The following CAMK2D variants were observed in gnomAD, a reference collection of about 807,000 sequenced individuals.
CAMK2D encodes calcium/calmodulin dependent protein kinase II delta.
Under a neutral mutation model 84.0 loss-of-function variants are expected in CAMK2D, and 37 were observed. The ratio of observed to expected loss-of-function variants is 0.44; its 90% CI spans 0.34 to 0.58. The LOEUF (loss-of-function observed/expected upper bound fraction) is 0.58, where lower values mean the gene tolerates loss of function less well. Ranked by LOEUF, CAMK2D falls within the 20% of genes least tolerant of loss-of-function variation. The pLI is 0.02. For missense variants in CAMK2D, 448 were observed against 652.5 expected (o/e 0.69, Z 3.41); for synonymous variants, 202 against 212.5 (o/e 0.95, Z 0.43).
At position 113,482,582 on chromosome 4, in the gene CAMK2D, A is replaced by G. The variant is rs1371484443; in HGVS notation, c.1136-16978T>C. The stretch of plus-strand genomic sequence containing the variant: ...CTATGGAAGTGAGGAGAAATGAAAG[A>G]GAAATGTTCTTTGGAGGTGACATTT... On this transcript the variant is annotated intron_variant, in intron 16 of 20. Coordinates refer to ENST00000511664, the MANE Select transcript of CAMK2D (RefSeq NM_001321571.2). 7.9e-5 allele frequency among the ~76,000 whole-genome samples: 12 copies of G among 152,230 alleles called. 1 individual carries two copies. Among genetic ancestry groups the G allele is most frequent in the Admixed American group, 7.9e-4 (12 of 15,282 alleles).
Position 113,452,981 on chromosome 4 carries a change from T to C in CAMK2D, c.*1564A>G, listed in dbSNP as rs1054815815. On this transcript the variant is annotated 3_prime_UTR_variant, in exon 21 of 21. Coordinates refer to ENST00000511664, the MANE Select transcript of CAMK2D (RefSeq NM_001321571.2). ...AAGGGTTGTTTTTGTTATTTTGTTT[T>C]TCTTTTTTGCTTCTGCTTTAAAAAT... 1 of 152,484 alleles carries C rather than the reference T, an allele frequency of 6.6e-6. No individual in the cohort carries two copies. The highest frequency in any genetic ancestry group is 2.4e-5 in the African/African-American group (1 of 41,426). The allele number at this position is 152,484 out of a possible 1,614,324, so 9.4% of individuals were successfully genotyped here. A position where few individuals can be genotyped will look rare whatever the true frequency, so the allele number is the denominator to read the frequency against.
At chr4:113,644,821 A>G (rs1314614646) in intron 3 of CAMK2D, among the ~76,000 whole-genome samples, 1 of 152,108 alleles carries the variant, frequency 6.6e-6, no homozygotes, top group African/African-American at 2.4e-5. Flanking sequence ...ACACAAATAA[A>G]GCTATTTGTC....
chr4:113,503,537 A>T (rs1158350213), intron 14 of CAMK2D, among the ~76,000 whole-genome samples: 1 of 152,210 alleles, frequency 6.6e-6, no homozygotes, highest in Non-Finnish European at 1.5e-5. Flanking sequence ...CCATAAAAAA[A>T]TTTTAAGGAA....
chr4:113,605,820 C>G (rs572387305), intron 4 of CAMK2D, among the ~76,000 whole-genome samples: 2 of 152,062 alleles, frequency 1.3e-5, no homozygotes, highest in Non-Finnish European at 2.9e-5. Context: ...AATAAGATGG[C>G]ACCTGCTTAC....
chr4:113,564,274 T>G (rs2098712339), intron 4 of CAMK2D, among the ~76,000 whole-genome samples: 1 of 152,224 alleles, frequency 6.6e-6, no homozygotes, highest in Non-Finnish European at 1.5e-5. Flanking sequence ...ACACTCTTAC[T>G]GAGCTCTCTC....
chr4:113,745,898 C>T (rs1343586972), intron 2 of CAMK2D, among the ~76,000 whole-genome samples: 1 of 152,112 alleles, frequency 6.6e-6, no homozygotes, highest in East Asian at 1.9e-4. Flanking sequence ...ATATGATGTA[C>T]CCTACAAAAC....
chr4:113,515,488 A>G (rs915802920), intron 9 of CAMK2D, among the ~76,000 whole-genome samples: 3 of 152,218 alleles, frequency 2.0e-5, no homozygotes, highest in African/African-American at 7.2e-5. Flanking sequence ...AGAATCTTCT[A>G]TTCTTCTCAA....
At chr4:113,505,421 C>A (rs2098116392) in intron 13 of CAMK2D, among the ~76,000 whole-genome samples, 2 of 152,136 alleles carry the variant, frequency 1.3e-5, no homozygotes, top group Non-Finnish European at 2.9e-5. Context: ...TTTCTTTCTT[C>A]CCTCATTTTA....
chr4:113,657,240 A>G (rs544020629), intron 3 of CAMK2D, among the ~76,000 whole-genome samples: 5 of 152,114 alleles, frequency 3.3e-5, no homozygotes, highest in Non-Finnish European at 7.4e-5. Flanking sequence ...GATAGTAGCC[A>G]CCCGGTCCCC....
intron 8 of CAMK2D, among the ~76,000 whole-genome samples, chr4:113,519,005 C>T (rs561596208): frequency 2.0e-5 from 3 of 151,916 alleles, no homozygotes; most frequent in South Asian, 4.2e-4. Context: ...TGGTACCTCA[C>T]CTTCATGACA....
rs960168965 is a variant in CAMK2D, at chr4:113,679,519, A to G, written c.161-17747T>C. The G allele has an allele frequency of 1.3e-5, 11 of 817,074 alleles. No individual in the cohort carries two copies. In the African/African-American group the frequency reaches 2.0e-4, roughly 15 times the overall value. 50.6% of individuals were successfully genotyped at this position (817,074 alleles called of 1,614,324 possible). A position where few individuals can be genotyped will look rare whatever the true frequency, so the allele number is the denominator to read the frequency against. Reference sequence around the variant, plus strand: ...GTCCTGATTTTAAAAATCAATAATAACATGTAAAAGAAACCCACAGAAATA... The same window carrying G: ...GTCCTGATTTTAAAAATCAATAATAGCATGTAAAAGAAACCCACAGAAATA... On this transcript the variant is annotated intron_variant, in intron 2 of 20. Transcript: ENST00000511664.
intron 4 of CAMK2D, among the ~76,000 whole-genome samples, chr4:113,570,028 C>G (rs141104259): frequency 1.3e-5 from 2 of 152,006 alleles, no homozygotes; most frequent in Admixed American, 6.5e-5. Flanking sequence ...AGAAAACAAT[C>G]TAATTCACAA....
intron 16 of CAMK2D, 72 bp from the exon 17 acceptor site, chr4:113,465,676 A>G: frequency 2.1e-6 from 2 of 943,092 alleles, no homozygotes; most frequent in Non-Finnish European, 3.4e-6. Context: ...TTTCATTTTT[A>G]ATTTTTGAGA....
intron 4 of CAMK2D, among the ~76,000 whole-genome samples, chr4:113,568,121 CTTAAAAAATTCT>C (rs2098734487): frequency 2.0e-5 from 3 of 152,078 alleles, no homozygotes; most frequent in Admixed American, 2.0e-4. Flanking sequence ...AAATTTACTC[CTTAAAAAATTCT>C]TAAGGGCACA....
intron 3 of CAMK2D, among the ~76,000 whole-genome samples, chr4:113,620,015 A>G (rs2099038742): frequency 6.6e-6 from 1 of 152,192 alleles, no homozygotes; most frequent in African/African-American, 2.4e-5. Flanking sequence ...ACTATATAAT[A>G]CAACAAATGA....
At chr4:113,681,878 AC>A (rs1433938964) in intron 2 of CAMK2D, among the ~76,000 whole-genome samples, 1 of 151,986 alleles carries the variant, frequency 6.6e-6, no homozygotes, top group African/African-American at 2.4e-5. Context: ...AAAAAAAAAA[AC>A]AGCCTTTTCC....
chr4:113,527,720 A>AT (rs2098429346), intron 8 of CAMK2D, among the ~76,000 whole-genome samples: 1 of 152,126 alleles, frequency 6.6e-6, no homozygotes, highest in Non-Finnish European at 1.5e-5. Context: ...CTTATACATT[A>AT]TAAAAAAAGG....
chr4:113,676,741 T>G (rs936797959), intron 2 of CAMK2D, among the ~76,000 whole-genome samples: 3 of 152,156 alleles, frequency 2.0e-5, no homozygotes, highest in Admixed American at 1.3e-4. Context: ...GATGGAAATT[T>G]GAGCCAAAGA....
Position 113,575,567 on chromosome 4 carries a change from C to T in CAMK2D, c.276-23471G>A, listed in dbSNP as rs147094243. ...TACAGAGGTTAGTAGAAATATTTGG[C>T]CCCTCACCAAGTCCTGTCAAACCAC... On this transcript the variant is annotated intron_variant, in intron 4 of 20. Transcript: ENST00000511664. 3.5e-3 allele frequency among the ~76,000 whole-genome samples: 537 copies of T among 152,268 alleles called. 3 individuals carry two copies. Among genetic ancestry groups the T allele is most frequent in the African/African-American group, 0.012 (502 of 41,552 alleles).
Sources: gnomAD v4.1 joint callset for allele counts (sites outside exome capture counted in the v4.1 genomes callset) on GRCh38, gnomAD v4.1.1 for gene constraint, MANE v1.5 for transcripts, NCBI Gene and HGNC (gene_info 2026-07-23, HGNC 2026-07-21) for gene names.